The following GSG1L variants were observed in gnomAD, a reference collection of about 807,000 sequenced individuals.
GSG1L encodes the protein GSG1 like.
In GSG1L, 24 loss-of-function variants were observed where a neutral mutation model predicts 42.1. The ratio of observed to expected loss-of-function variants is 0.57; its 90% CI spans 0.41 to 0.80. The LOEUF is 0.80. GSG1L is among the 30% of genes least tolerant of loss of function. The probability of loss-of-function intolerance (pLI) is 0.00; values close to 1 mark genes in which losing one functional copy is unlikely to be tolerated. For synonymous variants in GSG1L, 215 were observed against 203.5 expected, an observed-to-expected ratio of 1.06 and a Z score of -0.48; for missense variants, 445 against 472.2, an observed-to-expected ratio of 0.94 and a Z score of 0.53.
intron 2 of GSG1L, among the ~76,000 whole-genome samples, chr16:27,928,707 G>A (rs866957008): frequency 2.4e-4 from 36 of 152,224 alleles, no homozygotes; most frequent in African/African-American, 8.4e-4. Flanking sequence ...CCCAGGCCTC[G>A]GGAGAGGGAG....
At chr16:28,019,425 G>C (rs188871762) in intron 1 of GSG1L, among the ~76,000 whole-genome samples, 6 of 152,180 alleles carry the variant, frequency 3.9e-5, no homozygotes, top group African/African-American at 1.4e-4. Context: ...GGTCTAAAAG[G>C]AGGAGGAACC....
chr16:27,928,829 G>C (rs2084625741), intron 2 of GSG1L, among the ~76,000 whole-genome samples: 1 of 152,244 alleles, frequency 6.6e-6, no homozygotes, highest in South Asian at 2.1e-4. Flanking sequence ...ATGCCAGCCA[G>C]AGGAAGGCTA....
chr16:27,813,636 G>A (rs1036854126), intron 5 of GSG1L, among the ~76,000 whole-genome samples: 9 of 152,210 alleles, frequency 5.9e-5, no homozygotes, highest in Non-Finnish European at 1.2e-4. Context: ...GCACAGACTT[G>A]AGGCTCTCCA....
chr16:28,052,609 C>G (rs1029987053), intron 1 of GSG1L, among the ~76,000 whole-genome samples: 1 of 152,168 alleles, frequency 6.6e-6, no homozygotes, highest in African/African-American at 2.4e-5. Context: ...GATGGAGCAT[C>G]CTTTATCCAG....
intron 1 of GSG1L, among the ~76,000 whole-genome samples, chr16:28,037,139 G>A (rs947659169): frequency 6.6e-6 from 1 of 152,074 alleles, no homozygotes; most frequent in Non-Finnish European, 1.5e-5. Context: ...CCATTCTTGT[G>A]CCTGGGCCTC....
At chr16:27,993,188 A>G (rs1180207325) in intron 1 of GSG1L, among the ~76,000 whole-genome samples, 1 of 152,012 alleles carries the variant, frequency 6.6e-6, no homozygotes, top group Non-Finnish European at 1.5e-5. Flanking sequence ...TTGCTCTGTC[A>G]CCCAGGCTGG....
At chr16:27,949,216 T>TATC (rs139166001) in intron 2 of GSG1L, among the ~76,000 whole-genome samples, 18,415 of 152,016 alleles carry the variant, frequency 0.12, 1,260 homozygotes, top group East Asian at 0.25. Flanking sequence ...GCCACTACTC[T>TATC]ATCATCATTA....
chr16:27,808,186 A>G (rs1031368339), intron 5 of GSG1L, among the ~76,000 whole-genome samples: 2 of 151,910 alleles, frequency 1.3e-5, no homozygotes, highest in African/African-American at 2.4e-5. Context: ...CCTAGGCTTA[A>G]GCAATCCTCC....
rs994656453 is a variant in GSG1L at position 28,029,031 on chromosome 16, C to T, written c.349+34045G>A. On this transcript the variant is annotated intron_variant, in intron 1 of 6. Coordinates refer to ENST00000447459, the MANE Select transcript of GSG1L (RefSeq NM_001109763.2). ...AGCTGATGAACAGATCCTCAACCTACGGAAAGCACCTTGCCTAACACGGGA... is the reference window on the plus strand; with the variant it reads ...AGCTGATGAACAGATCCTCAACCTATGGAAAGCACCTTGCCTAACACGGGA... 5.3e-5 allele frequency among the ~76,000 whole-genome samples: 8 copies of T among 152,274 alleles called. No homozygotes were observed. In the South Asian group the frequency reaches 6.2e-4, roughly 12 times the overall value.
At chr16:27,827,939 A>G (rs1254697654) in intron 5 of GSG1L, among the ~76,000 whole-genome samples, 1 of 89,858 alleles carries the variant, frequency 1.1e-5, no homozygotes. Flanking sequence ...CCATCCATCC[A>G]TCCATCCATC....
intron 1 of GSG1L, among the ~76,000 whole-genome samples, chr16:27,984,361 G>T (rs181800755): frequency 6.6e-6 from 1 of 152,230 alleles, no homozygotes; most frequent in East Asian, 1.9e-4. Context: ...GGGGGACATC[G>T]CAGGGTAGCC....
At chr16:27,980,838 C>T (rs1392139953) in intron 1 of GSG1L, among the ~76,000 whole-genome samples, 5 of 149,648 alleles carry the variant, frequency 3.3e-5, no homozygotes, top group Non-Finnish European at 7.4e-5. Flanking sequence ...GCTGAGATCA[C>T]GCACTGCACT....
chr16:27,833,829 C>G (rs1313299222), intron 4 of GSG1L, among the ~76,000 whole-genome samples: 1 of 152,076 alleles, frequency 6.6e-6, no homozygotes, highest in Non-Finnish European at 1.5e-5. Flanking sequence ...TAGGTCTAGG[C>G]AATTTTTTTG....
chr16:27,869,813 ATC>A (rs574282502), intron 3 of GSG1L, among the ~76,000 whole-genome samples: 27 of 36,796 alleles, frequency 7.3e-4, no homozygotes, highest in East Asian at 6.3e-3. Flanking sequence ...GTCTCCCTCC[ATC>A]TCTCTCTCTC....
chr16:27,979,749 G>GGAAAGAAAGAAAGAAAGAAAGAAAGAAA (rs71140937), intron 1 of GSG1L, among the ~76,000 whole-genome samples: 3 of 99,104 alleles, frequency 3.0e-5, no homozygotes, highest in African/African-American at 1.3e-4. Flanking sequence ...AAGAAAGAAA[G>GGAAAGAAAGAAAGAAAGAAAGAAAGAAA]GAAAGAAAGA....
rs141596788 is a variant in GSG1L, at chr16:27,884,704, A to G, written c.398-66T>C. 5.2e-4 allele frequency: 767 copies of G among 1,464,052 alleles called. 5 individuals are homozygous for G. The African/African-American group carries it at 9.5e-3, about 18-fold the overall frequency. The allele number at this position is 1,464,052 out of a possible 1,614,324, so 90.7% of individuals were successfully genotyped here. On this transcript the variant is annotated intron_variant, in intron 2 of 6. Coordinates refer to ENST00000447459, the MANE Select transcript of GSG1L (RefSeq NM_001109763.2). This position sits in a 1 kb window ranked among gnomAD's most constrained non-coding sequence, Gnocchi z 4.4. Reference sequence around the variant, plus strand: ...CCCAAGATAGACTCACCCTGTGCCTATTCCTCCCACAACAGCAGAGGGTAG... The same window carrying G: ...CCCAAGATAGACTCACCCTGTGCCTGTTCCTCCCACAACAGCAGAGGGTAG...
chr16:27,988,793 G>A (rs1020330935), intron 1 of GSG1L, among the ~76,000 whole-genome samples: 2 of 150,074 alleles, frequency 1.3e-5, no homozygotes, highest in Non-Finnish European at 3.0e-5. Flanking sequence ...GGTGGCTCAC[G>A]TCTGTAATCC....
At chr16:28,009,198 C>G (rs964418527) in intron 1 of GSG1L, among the ~76,000 whole-genome samples, 20 of 152,314 alleles carry the variant, frequency 1.3e-4, no homozygotes, top group African/African-American at 4.6e-4. Flanking sequence ...CCGACCTTCT[C>G]CCTCAATCAT....
chr16:27,851,577 G>A (rs946488719), intron 3 of GSG1L, among the ~76,000 whole-genome samples: 1 of 152,122 alleles, frequency 6.6e-6, no homozygotes, highest in Non-Finnish European at 1.5e-5. Context: ...GGGGAAGTGG[G>A]GGTTGAGGAG....
Sources: allele counts gnomAD v4.1 joint callset (sites outside exome capture counted in the v4.1 genomes callset), GRCh38; gene constraint gnomAD v4.1.1; non-coding constraint Gnocchi (gnomAD v3.1); transcripts MANE v1.5; gene names NCBI Gene and HGNC (gene_info 2026-07-23, HGNC 2026-07-21).